Variants in PDE3B observed in about 807,000 individuals in gnomAD.
The protein encoded by PDE3B is cGMP-inhibited 3',5'-cyclic phosphodiesterase 3B.
A neutral mutation model predicts 116.8 loss-of-function variants in PDE3B; 66 were observed. The observed-to-expected ratio is 0.56, with a 90% CI of 0.46 to 0.69. PDE3B has a LOEUF of 0.69. Ranked by LOEUF, PDE3B falls within the 30% of genes least tolerant of loss-of-function variation. The pLI, the probability that PDE3B is intolerant of heterozygous loss-of-function variation, is 0.00. For synonymous variants in PDE3B, 595 were observed against 533.6 expected (o/e 1.12, Z -1.59); for missense variants, 1,384 against 1,368.1 (o/e 1.01, Z -0.18).
At chr11:14,760,373 C>T (rs1321531805) in intron 1 of PDE3B, among the ~76,000 whole-genome samples, 7 of 152,260 alleles carry the variant, frequency 4.6e-5, no homozygotes, top group African/African-American at 9.6e-5. Context: ...TTATGTGCTG[C>T]GTACTCACTG....
the PDE3B span, chr11:14,887,738 G>T: frequency 1.6e-6 from 1 of 633,890 alleles, no homozygotes; most frequent in Non-Finnish European, 2.0e-6. Context: ...CCTTCAAGTG[G>T]TTGAGGCCCA....
chr11:14,676,170 G>A (rs1431200683), intron 1 of PDE3B, among the ~76,000 whole-genome samples: 1 of 151,968 alleles, frequency 6.6e-6, no homozygotes, highest in African/African-American at 2.4e-5. Flanking sequence ...TTTTAAAATT[G>A]GATTGTTCAT....
intron 1 of PDE3B, among the ~76,000 whole-genome samples, chr11:14,761,593 G>A (rs754072742): frequency 4.6e-5 from 7 of 152,096 alleles, no homozygotes; most frequent in Non-Finnish European, 5.9e-5. Context: ...CCTATTCAGA[G>A]CGTAAAACTT....
At chr11:14,818,144 A>G in intron 5 of PDE3B, 39 bp from the exon 6 acceptor site, 1 of 1,271,466 alleles carries the variant, frequency 7.9e-7, no homozygotes, top group Admixed American at 1.8e-5. Context: ...ACATAAATAC[A>G]TTCTTATTTA....
chr11:14,821,796 G>C (rs1419419987), intron 7 of PDE3B, among the ~76,000 whole-genome samples: 1 of 151,746 alleles, frequency 6.6e-6, no homozygotes, highest in Non-Finnish European at 1.5e-5. Flanking sequence ...TTGTAAGATG[G>C]GTATTATTAT....
At chr11:14,708,033 C>T (rs549681096) in intron 1 of PDE3B, among the ~76,000 whole-genome samples, 1 of 151,960 alleles carries the variant, frequency 6.6e-6, no homozygotes, top group Non-Finnish European at 1.5e-5. Context: ...GATGCTTGTC[C>T]TCTTCAAACC....
At chr11:14,895,613 A>G in the PDE3B span, among the ~76,000 whole-genome samples, 3 of 152,222 alleles carry the variant, frequency 2.0e-5, no homozygotes, top group East Asian at 5.8e-4. Context: ...CTTAGGAGCC[A>G]GGCACTGAGG....
intron 1 of PDE3B, among the ~76,000 whole-genome samples, chr11:14,763,879 T>C (rs932040991): frequency 1.3e-5 from 2 of 152,174 alleles, no homozygotes; most frequent in African/African-American, 4.8e-5. Flanking sequence ...GTTTAGATTT[T>C]AGCTCTGCCA....
At chr11:14,820,071 C>T (rs924266985) in intron 7 of PDE3B, among the ~76,000 whole-genome samples, 2 of 152,104 alleles carry the variant, frequency 1.3e-5, no homozygotes, top group African/African-American at 2.4e-5. Flanking sequence ...TTCTCAATCC[C>T]TTTACATACC....
intron 7 of PDE3B, among the ~76,000 whole-genome samples, chr11:14,829,916 C>A (rs1281179245): frequency 6.6e-6 from 1 of 152,116 alleles, no homozygotes; most frequent in Admixed American, 6.6e-5. Flanking sequence ...CCCTTCCAAT[C>A]ATATGCCCCA....
At chr11:14,786,383 A>AT in intron 2 of PDE3B, 54 bp from the exon 3 acceptor site, 1 of 1,325,648 alleles carries the variant, frequency 7.5e-7, no homozygotes, top group South Asian at 1.3e-5. Flanking sequence ...ACCATTTGTT[A>AT]TATCATTTAT....
At chr11:14,741,185 A>G (rs181107070) in intron 1 of PDE3B, among the ~76,000 whole-genome samples, 32 of 152,118 alleles carry the variant, frequency 2.1e-4, no homozygotes, top group Non-Finnish European at 4.4e-4. Context: ...TGATCTGTCT[A>G]ATATTGTCAG....
In PDE3B at chr11:14,832,805, AT is replaced by A; in HGVS notation, c.2180del (p.Leu727Ter). The A allele has an allele frequency of 6.6e-7, 1 of 1,504,370 alleles. No homozygotes were observed. Among genetic ancestry groups the A allele is most frequent in the Non-Finnish European group, 9.2e-7 (1 of 1,092,106 alleles). The allele number at this position is 1,504,370 out of a possible 1,614,324, so 93.2% of individuals were successfully genotyped here. ...AACAATTTATGAACTATTTTCGTGC[AT>A]TAGAAAATGGCTATCGAGACATTCC... ...TQQFMNYFRA[L>X]ENGYRDIPYH... On this transcript the variant is annotated frameshift_variant, in exon 10 of 16. Transcript: ENST00000282096. LOFTEE classifies it high-confidence loss of function.
intron 1 of PDE3B, among the ~76,000 whole-genome samples, chr11:14,738,035 T>C (rs1039962960): frequency 6.6e-5 from 10 of 152,164 alleles, no homozygotes; most frequent in African/African-American, 2.2e-4. Flanking sequence ...ACATTTGGGT[T>C]GGTTCCAAGT....
intron 1 of PDE3B, among the ~76,000 whole-genome samples, chr11:14,770,231 C>T (rs559852833): frequency 6.6e-6 from 1 of 151,182 alleles, no homozygotes; most frequent in Non-Finnish European, 1.5e-5. Context: ...GTTTTCACTC[C>T]TGTCTATTCT....
intron 11 of PDE3B, among the ~76,000 whole-genome samples, chr11:14,837,991 T>A (rs369336130): frequency 2.1e-4 from 32 of 152,054 alleles, no homozygotes; most frequent in African/African-American, 4.1e-4. Flanking sequence ...ATTTTATTTT[T>A]TTTTTGAGAC....
downstream of PDE3B, among the ~76,000 whole-genome samples, chr11:14,875,617 G>A (rs782264821): frequency 7.2e-5 from 11 of 152,164 alleles, no homozygotes; most frequent in Non-Finnish European, 1.2e-4. Context: ...TTTTCCAAAA[G>A]TGCAGCATTT....
intron 5 of PDE3B, among the ~76,000 whole-genome samples, chr11:14,817,182 CA>C (rs1859360254): frequency 6.6e-6 from 1 of 150,866 alleles, no homozygotes; most frequent in African/African-American, 2.4e-5. Flanking sequence ...CAAGCTATCG[CA>C]AGGACAGAAA....
intron 1 of PDE3B, among the ~76,000 whole-genome samples, chr11:14,669,910 G>A (rs1303891586): frequency 6.6e-6 from 1 of 152,092 alleles, no homozygotes; most frequent in Admixed American, 6.6e-5. Context: ...AAAAATGAAA[G>A]CATAGGTTAG....
Sources: gnomAD v4.1 joint callset for allele counts (sites outside exome capture counted in the v4.1 genomes callset) on GRCh38, gnomAD v4.1.1 for gene constraint, MANE v1.5 for transcripts, NCBI Gene and HGNC (gene_info 2026-07-23, HGNC 2026-07-21) for gene names.